PTPRC: variants seen among roughly 807,000 people sequenced by gnomAD.
PTPRC encodes the protein protein tyrosine phosphatase receptor type C.
In PTPRC, 44 loss-of-function variants were observed where a neutral mutation model predicts 155.9. The ratio of observed to expected loss-of-function variants is 0.28; its 90% CI spans 0.22 to 0.36. The LOEUF (loss-of-function observed/expected upper bound fraction) is 0.36. Among genes scored for constraint, PTPRC ranks in the 10% least tolerant of loss-of-function variants. The probability of loss-of-function intolerance (pLI) is 1.00; values close to 1 mark genes in which losing one functional copy is unlikely to be tolerated. For missense variants in PTPRC, 1,401 were observed against 1,564.6 expected, an observed-to-expected ratio of 0.90 and a Z score of 1.76; for synonymous variants, 525 against 533.1, an observed-to-expected ratio of 0.98 and a Z score of 0.21.
intron 17 of PTPRC, among the ~76,000 whole-genome samples, chr1:198,730,584 GC>G (rs1201100796): frequency 1.3e-5 from 2 of 152,098 alleles, no homozygotes; most frequent in Non-Finnish European, 2.9e-5. Flanking sequence ...AAACACCTGA[GC>G]AGAACAGGAA....
At position 198,699,698 on chromosome 1, in the gene PTPRC, A is replaced by G. The variant is rs1158616706; in HGVS notation, c.433A>G (p.Ile145Val). 1 of 1,614,064 alleles carries G rather than the reference A, an allele frequency of 6.2e-7. No individual in the cohort carries two copies. The highest frequency in any genetic ancestry group is 1.1e-5 in the South Asian group (1 of 91,096). Residue 145 changes from isoleucine to valine, a missense_variant, in exon 5 of 33, where the codon ATC becomes GTC. By Grantham distance (29) the Ile-to-Val change is conservative. Coordinates refer to ENST00000442510, the MANE Select transcript of PTPRC (RefSeq NM_002838.5). Reference sequence around the variant, plus strand: ...CAACCCTACCCCAGGCAGCAATGCTATCTCAGGTTTGCGGGTCCTTTAGAC... The same window carrying G: ...CAACCCTACCCCAGGCAGCAATGCTGTCTCAGGTTTGCGGGTCCTTTAGAC... The part of the protein sequence containing the change: ...KLNPTPGSNA[I>V]SDVPGERSTA...
intron 2 of PTPRC, among the ~76,000 whole-genome samples, chr1:198,649,713 C>G (rs146333523): frequency 6.6e-6 from 1 of 151,740 alleles, no homozygotes; most frequent in East Asian, 1.9e-4. Context: ...ATTCACTCAT[C>G]GATTCATCAA....
chr1:198,681,420 A>C (rs1665319591), intron 2 of PTPRC, among the ~76,000 whole-genome samples: 1 of 152,218 alleles, frequency 6.6e-6, no homozygotes, highest in African/African-American at 2.4e-5. Flanking sequence ...GAGCCATTCA[A>C]CTTACTTCAG....
At chr1:198,641,665 G>A (rs1313642507) in intron 2 of PTPRC, among the ~76,000 whole-genome samples, 2 of 151,982 alleles carry the variant, frequency 1.3e-5, no homozygotes, top group Admixed American at 1.3e-4. Flanking sequence ...AATAATGTTA[G>A]GGGACAATGA....
intron 32 of PTPRC, 137 bp from the exon 33 acceptor site, chr1:198,755,769 G>C: frequency 1.1e-6 from 1 of 926,312 alleles, no homozygotes; most frequent in East Asian, 2.6e-5. Flanking sequence ...ATGTTTTTAT[G>C]AGAACATATC....
intron 2 of PTPRC, among the ~76,000 whole-genome samples, chr1:198,671,947 C>T (rs1179299071): frequency 6.6e-6 from 1 of 152,170 alleles, no homozygotes; most frequent in Non-Finnish European, 1.5e-5. Flanking sequence ...TTGTTATCAT[C>T]CATATCTCTG....
At chr1:198,674,022 C>T (rs147086431) in intron 2 of PTPRC, among the ~76,000 whole-genome samples, 62 of 152,262 alleles carry the variant, frequency 4.1e-4, no homozygotes, top group African/African-American at 1.5e-3. Flanking sequence ...TTATTTTGTA[C>T]AGCATAAAGC....
chr1:198,720,542 C>T (rs893018822), intron 14 of PTPRC, among the ~76,000 whole-genome samples: 1 of 152,066 alleles, frequency 6.6e-6, no homozygotes, highest in African/African-American at 2.4e-5. Context: ...GTTGGCCAGG[C>T]TGGCCTAGAA....
intron 2 of PTPRC, among the ~76,000 whole-genome samples, chr1:198,642,916 C>G (rs1011032213): frequency 4.2e-5 from 6 of 142,572 alleles, no homozygotes; most frequent in Admixed American, 1.4e-4. Flanking sequence ...TCCTTTCTTT[C>G]TTTCTTTCTT....
At chr1:198,741,836 AT>A in intron 23 of PTPRC, 32 bp from the exon 24 acceptor site, 1 of 1,601,554 alleles carries the variant, frequency 6.2e-7, no homozygotes, top group Non-Finnish European at 8.5e-7. Context: ...CTTTAAAAAA[AT>A]CATCTCAAAG....
chr1:198,655,156 T>C (rs758961915), intron 2 of PTPRC, among the ~76,000 whole-genome samples: 3 of 151,948 alleles, frequency 2.0e-5, no homozygotes, highest in Non-Finnish European at 4.4e-5. Context: ...AGACAAGTAT[T>C]GTTCAAGTTG....
intron 15 of PTPRC, among the ~76,000 whole-genome samples, chr1:198,723,327 C>G (rs2102460187): frequency 6.6e-6 from 1 of 152,122 alleles, no homozygotes; most frequent in South Asian, 2.1e-4. Context: ...TCTAGTTCTT[C>G]CTCTCTTACA....
In PTPRC at chr1:198,756,585, G is replaced by A. The variant is rs144055623; in HGVS notation, c.*404G>A. 5.3e-4 allele frequency: 98 copies of A among 183,420 alleles called. No individual in the cohort carries two copies. The East Asian group carries it at 0.012, about 22-fold the overall frequency. 11.4% of individuals were successfully genotyped at this position (183,420 alleles called of 1,614,324 possible). A position where few individuals can be genotyped will look rare whatever the true frequency, so the allele number is the denominator to read the frequency against. On this transcript the variant is annotated 3_prime_UTR_variant, in exon 33 of 33. Transcript: ENST00000442510. ...TTAGAAGTGTTAACTTAGCTTGAAG[G>A]ATCTGTTTTTAAAAATCATAAACTG...
intron 3 of PTPRC, among the ~76,000 whole-genome samples, chr1:198,696,205 G>GATAT (rs373697759): frequency 6.8e-6 from 1 of 148,100 alleles, no homozygotes; most frequent in African/African-American, 2.5e-5. Context: ...TTTTTTCATG[G>GATAT]ATATATATAT....
chr1:198,726,193 T>G (rs894962091), intron 15 of PTPRC, among the ~76,000 whole-genome samples: 17 of 152,356 alleles, frequency 1.1e-4, no homozygotes, highest in Admixed American at 8.5e-4. Context: ...TTCTAGAAGT[T>G]AGATGTTGCC....
chr1:198,703,538 A>G, intron 7 of PTPRC, 166 bp downstream of exon 7: 1 of 1,028,166 alleles, frequency 9.7e-7, no homozygotes. Context: ...TCTGCTTAGC[A>G]GTGCAACAGC....
intron 3 of PTPRC, chr1:198,692,779 A>G (rs1215847947): frequency 1.1e-5 from 10 of 915,544 alleles, no homozygotes; most frequent in Middle Eastern, 1.1e-3. Flanking sequence ...GCATATGTCT[A>G]TATTTCTTTA....
chr1:198,723,783 C>T (rs1304584839), intron 15 of PTPRC, among the ~76,000 whole-genome samples: 1 of 152,184 alleles, frequency 6.6e-6, no homozygotes, highest in Non-Finnish European at 1.5e-5. Context: ...GTGCACACAG[C>T]AATCCAGCTA....
At chr1:198,720,310 A>G (rs1222611846) in intron 14 of PTPRC, among the ~76,000 whole-genome samples, 3 of 152,124 alleles carry the variant, frequency 2.0e-5, no homozygotes, top group African/African-American at 7.2e-5. Context: ...GTTTTTCTGT[A>G]TCATATAACT....
Sources: gnomAD v4.1 joint callset for allele counts (sites outside exome capture counted in the v4.1 genomes callset) on GRCh38, gnomAD v4.1.1 for gene constraint, MANE v1.5 for transcripts, NCBI Gene and HGNC (gene_info 2026-07-23, HGNC 2026-07-21) for gene names.